The following SAMMSON variants were observed in gnomAD, a reference collection of about 807,000 sequenced individuals.
The protein encoded by SAMMSON is long intergenic non-protein coding RNA 1212.
chr3:70,061,089 A>G (rs1310467685), intron 3 of SAMMSON, among the ~76,000 whole-genome samples: 4 of 152,132 alleles, frequency 2.6e-5, no homozygotes, highest in Non-Finnish European at 5.9e-5. Flanking sequence ...GTATATCCTG[A>G]CTTCAGGAGG....
At chr3:70,014,040 T>C (rs1017770664) in intron 3 of SAMMSON, 1 of 152,172 alleles carries the variant, frequency 6.6e-6, no homozygotes, top group Non-Finnish European at 1.5e-5. Context: ...TTACCAGGAA[T>C]CTTTACTTTG....
intron 4 of SAMMSON, among the ~76,000 whole-genome samples, chr3:70,104,603 G>C (rs888970278): frequency 6.6e-6 from 1 of 152,114 alleles, no homozygotes; most frequent in Admixed American, 6.5e-5. Context: ...ACCCCAAACC[G>C]TGTCGGACCT....
chr3:70,064,612 T>TG (rs2067202347), intron 3 of SAMMSON, among the ~76,000 whole-genome samples: 1 of 151,972 alleles, frequency 6.6e-6, no homozygotes, highest in Admixed American at 6.6e-5. Flanking sequence ...TACATCAGAG[T>TG]GGGGCCATGC....
chr3:70,164,842 G>C (rs2067630524), intron 4 of SAMMSON, among the ~76,000 whole-genome samples: 1 of 152,008 alleles, frequency 6.6e-6, no homozygotes, highest in East Asian at 1.9e-4. Context: ...TCTTGCTGTT[G>C]TTATTTGAGT....
At chr3:70,153,858 A>G (rs2067581362) in intron 4 of SAMMSON, among the ~76,000 whole-genome samples, 1 of 151,634 alleles carries the variant, frequency 6.6e-6, no homozygotes, top group South Asian at 2.1e-4. Context: ...TTGAACAATA[A>G]CTCCCCTTTC....
At chr3:70,113,135 A>C (rs2067396221) in intron 4 of SAMMSON, among the ~76,000 whole-genome samples, 1 of 152,230 alleles carries the variant, frequency 6.6e-6, no homozygotes, top group African/African-American at 2.4e-5. Context: ...CTTTCAGAAT[A>C]AAATGGACAC....
At chr3:70,133,524 C>G (rs1458359867) in intron 4 of SAMMSON, among the ~76,000 whole-genome samples, 6 of 152,078 alleles carry the variant, frequency 3.9e-5, no homozygotes, top group African/African-American at 1.4e-4. Context: ...AATGATTGAG[C>G]CCAAAGGGAG....
chr3:70,229,426 G>A (rs1200650371), intron 4 of SAMMSON, among the ~76,000 whole-genome samples: 1 of 152,192 alleles, frequency 6.6e-6, no homozygotes, highest in Non-Finnish European at 1.5e-5. Flanking sequence ...AAAGATTTAT[G>A]TTGGTGACAG....
intron 6 of SAMMSON, chr3:70,291,147 A>T (rs894914151): frequency 1.3e-5 from 2 of 152,116 alleles, no homozygotes; most frequent in Non-Finnish European, 2.9e-5. Context: ...CATAAAAAGT[A>T]TTTTTCACAT....
chr3:70,271,494 A>G (rs1480353425), intron 6 of SAMMSON, among the ~76,000 whole-genome samples: 2 of 152,180 alleles, frequency 1.3e-5, no homozygotes, highest in African/African-American at 4.8e-5. Context: ...CTGAATTTTA[A>G]ATGTTATTTT....
At chr3:70,100,193 C>A (rs1486557594) in intron 4 of SAMMSON, among the ~76,000 whole-genome samples, 3 of 152,040 alleles carry the variant, frequency 2.0e-5, no homozygotes, top group Admixed American at 1.3e-4. Flanking sequence ...ATCACTCAGG[C>A]TGGAGTGCAG....
At chr3:70,105,260 A>C (rs1307342746) in intron 4 of SAMMSON, among the ~76,000 whole-genome samples, 1 of 152,196 alleles carries the variant, frequency 6.6e-6, no homozygotes, top group Non-Finnish European at 1.5e-5. Context: ...AGCAAAAGAG[A>C]CGTAAAATAG....
intron 2 of SAMMSON, among the ~76,000 whole-genome samples, chr3:70,430,418 C>A (rs184060119): frequency 6.6e-6 from 1 of 151,912 alleles, no homozygotes; most frequent in Non-Finnish European, 1.5e-5. Context: ...ATACGTTCAA[C>A]GGAAAATTAC....
intron 4 of SAMMSON, among the ~76,000 whole-genome samples, chr3:70,178,872 G>A (rs1324051173): frequency 6.6e-6 from 1 of 152,000 alleles, no homozygotes; most frequent in Non-Finnish European, 1.5e-5. Flanking sequence ...TTAGCTGGGC[G>A]GGTGGCATTC....
rs185893566 is a variant in SAMMSON at position 70,173,188 on chromosome 3, C to T, written n.508-75919C>T. On this transcript the variant is annotated intron_variant and non_coding_transcript_variant, in intron 4 of 9. Coordinates refer to ENST00000642114, the Ensembl canonical transcript of SAMMSON. ...AGATATTATTACCCTATCATATTAACGCATTGAGAGTTTAATAGATTGTAA... is the reference window on the plus strand; with the variant it reads ...AGATATTATTACCCTATCATATTAATGCATTGAGAGTTTAATAGATTGTAA... 1.6e-4 allele frequency among the ~76,000 whole-genome samples: 25 copies of T among 151,952 alleles called. No individual in the cohort carries two copies. In the Middle Eastern group the frequency reaches 0.01, roughly 62 times the overall value.
intron 4 of SAMMSON, among the ~76,000 whole-genome samples, chr3:70,164,161 A>T (rs2067627376): frequency 6.6e-6 from 1 of 152,072 alleles, no homozygotes; most frequent in Admixed American, 6.6e-5. Flanking sequence ...GGGGGAAACA[A>T]GTAGAAAGAA....
Position 70,041,646 on chromosome 3 carries a change from TAAC to T in SAMMSON, n.417+27977_417+27979del, listed in dbSNP as rs2067106725. On this transcript the variant is annotated intron_variant and non_coding_transcript_variant, in intron 3 of 9. Coordinates refer to ENST00000642114, the Ensembl canonical transcript of SAMMSON. ...ATTTGAAAAAAATACCAATAAAAAA[TAAC>T]AATACAACATATTAAAAATGCAAAT... is the stretch of plus-strand genomic sequence containing the variant. Among the ~76,000 whole-genome samples, 3 of 152,096 alleles carry T rather than the reference TAAC, an allele frequency of 2.0e-5. No homozygotes were observed. In the South Asian group the frequency reaches 6.2e-4, roughly 32 times the overall value.
intron 7 of SAMMSON, chr3:70,312,510 C>G (rs560716154): frequency 1.3e-5 from 2 of 152,210 alleles, no homozygotes; most frequent in Non-Finnish European, 2.9e-5. Flanking sequence ...ATGGCTTGCT[C>G]GCAATGAGCT....
chr3:70,338,916 G>A (rs1702687408), intron 7 of SAMMSON, among the ~76,000 whole-genome samples: 1 of 152,084 alleles, frequency 6.6e-6, no homozygotes, highest in Non-Finnish European at 1.5e-5. Context: ...AAGTTCACAT[G>A]GAACCAAAAA....
Sources: allele counts gnomAD v4.1 joint callset (sites outside exome capture counted in the v4.1 genomes callset), GRCh38; gene constraint gnomAD v4.1.1; transcripts MANE v1.5; gene names NCBI Gene and HGNC (gene_info 2026-07-23, HGNC 2026-07-21).